Variants in FBXO11 observed in about 807,000 individuals in gnomAD.
The protein encoded by FBXO11 is F-box only protein 11.
A neutral mutation model predicts 117.0 loss-of-function variants in FBXO11; 13 were observed. That is an observed-to-expected ratio of 0.11 (90% CI 0.07 to 0.18). The LOEUF is 0.18. Among genes scored for constraint, FBXO11 ranks in the 10% least tolerant of loss-of-function variants. The pLI, the probability that FBXO11 is intolerant of heterozygous loss-of-function variation, is 1.00. For synonymous variants in FBXO11, 490 were observed against 380.5 expected, an observed-to-expected ratio of 1.29 and a Z score of -3.35; for missense variants, 767 against 1,164.4, an observed-to-expected ratio of 0.66 and a Z score of 4.97.
rs371182710 is a variant in FBXO11, at chr2:47,809,748, A to C, written c.2339-41T>G. The C allele has an allele frequency of 3.9e-3, 5,183 of 1,342,528 alleles. 213 individuals carry two copies. In the South Asian group the frequency reaches 0.059, roughly 15 times the overall value. The allele number at this position is 1,342,528 out of a possible 1,614,324, so 83.2% of individuals were successfully genotyped here. On this transcript the variant is annotated intron_variant, in intron 19 of 22. Coordinates refer to ENST00000403359, the MANE Select transcript of FBXO11 (RefSeq NM_001190274.2). ...CAAACAAGTAGATACATCACTTTAT[A>C]CTGCTTCTTAAAAACCTGAAATTAG...
At chr2:47,882,872 C>G (rs1676537625) in intron 1 of FBXO11, among the ~76,000 whole-genome samples, 1 of 152,166 alleles carries the variant, frequency 6.6e-6, no homozygotes, top group South Asian at 2.1e-4. Context: ...TGGTCTCAAA[C>G]TCCTGAGCTC....
At chr2:47,878,616 C>A (rs921444036) in intron 1 of FBXO11, among the ~76,000 whole-genome samples, 12 of 152,012 alleles carry the variant, frequency 7.9e-5, no homozygotes, top group Non-Finnish European at 1.8e-4. Context: ...CCCACCTCGG[C>A]CTCCCAAAGT....
intron 13 of FBXO11, among the ~76,000 whole-genome samples, chr2:47,821,312 A>G (rs1412041870): frequency 6.6e-6 from 1 of 151,752 alleles, no homozygotes; most frequent in Non-Finnish European, 1.5e-5. Flanking sequence ...ACCTGTCTCT[A>G]TTAAAAATGC....
intron 4 of FBXO11, among the ~76,000 whole-genome samples, chr2:47,837,665 C>T (rs1034031645): frequency 6.6e-6 from 1 of 152,190 alleles, no homozygotes; most frequent in East Asian, 1.9e-4. Flanking sequence ...GCCATATTTG[C>T]TTCCACTCAT....
At chr2:47,887,910 C>A (rs1445386918) in intron 1 of FBXO11, among the ~76,000 whole-genome samples, 3 of 151,890 alleles carry the variant, frequency 2.0e-5, no homozygotes, top group Non-Finnish European at 4.4e-5. Context: ...TAGCTACTGG[C>A]GCAGAGGTGA....
In FBXO11 at chr2:47,839,788, A is replaced by G. The variant is rs778377197; in HGVS notation, c.233-19T>C. On this transcript the variant is annotated intron_variant, in intron 1 of 22. Coordinates refer to ENST00000403359, the MANE Select transcript of FBXO11 (RefSeq NM_001190274.2). Reference sequence around the variant, plus strand: ...TCATCATCTGTTATAAACAAAAGCAATAAGAAAAATTATACCCTTTTTAAA... The same window carrying G: ...TCATCATCTGTTATAAACAAAAGCAGTAAGAAAAATTATACCCTTTTTAAA... 6.3e-5 allele frequency: 101 copies of G among 1,592,570 alleles called. 1 individual carries two copies. Among genetic ancestry groups the G allele is most frequent in the South Asian group, 3.0e-4 (26 of 86,428 alleles).
intron 1 of FBXO11, among the ~76,000 whole-genome samples, chr2:47,863,142 C>T (rs1674920236): frequency 6.6e-6 from 1 of 151,596 alleles, no homozygotes; most frequent in Non-Finnish European, 1.5e-5. Context: ...AAGTTTTCCC[C>T]TTGCCTTCAA....
intron 1 of FBXO11, among the ~76,000 whole-genome samples, chr2:47,900,723 TAC>T (rs769237322): frequency 7.3e-5 from 9 of 123,064 alleles, no homozygotes; most frequent in Admixed American, 2.4e-4. Flanking sequence ...TATACACGTA[TAC>T]ACACACGTGT....
chr2:47,812,048 T>C (rs1278020890), intron 18 of FBXO11, among the ~76,000 whole-genome samples: 1 of 152,156 alleles, frequency 6.6e-6, no homozygotes, highest in Non-Finnish European at 1.5e-5. Flanking sequence ...ATCTTGATTA[T>C]TTCCACTACA....
intron 1 of FBXO11, among the ~76,000 whole-genome samples, chr2:47,896,286 G>C (rs114682035): frequency 1.3e-5 from 2 of 150,890 alleles, no homozygotes; most frequent in African/African-American, 4.9e-5. Flanking sequence ...TGCCTCTGAA[G>C]AATCACTCCT....
intron 1 of FBXO11, among the ~76,000 whole-genome samples, chr2:47,880,440 A>AT (rs1390228186): frequency 6.6e-6 from 1 of 151,858 alleles, no homozygotes; most frequent in African/African-American, 2.4e-5. Flanking sequence ...ATCCAATTTC[A>AT]TTTTTTCAGT....
intron 1 of FBXO11, among the ~76,000 whole-genome samples, chr2:47,889,762 C>T (rs1023650136): frequency 4.6e-5 from 7 of 152,000 alleles, no homozygotes; most frequent in African/African-American, 1.7e-4. Flanking sequence ...ATATTCCCCA[C>T]ATAAAATTAT....
chr2:47,900,685 CACACACGTATACACACACGTGTAT>C lies in FBXO11; in HGVS notation c.232+4780_232+4803del, dbSNP rs768303495. ...ACACGTACGTATATACACACGTATA[CACACACGTATACACACACGTGTAT>C]ATATATACACGTATACACACACGTG... On this transcript the variant is annotated intron_variant, in intron 1 of 22. Transcript: ENST00000403359. Among the ~76,000 whole-genome samples, 61 of 59,040 alleles carry C rather than the reference CACACACGTATACACACACGTGTAT, an allele frequency of 1.0e-3. 2 individuals carry two copies. The East Asian group carries it at 0.016, about 15-fold the overall frequency. The allele number at this position is 59,040 out of a possible 152,430, so 38.7% of individuals were successfully genotyped here.
At chr2:47,859,077 A>G (rs934994243) in intron 1 of FBXO11, among the ~76,000 whole-genome samples, 4 of 151,784 alleles carry the variant, frequency 2.6e-5, no homozygotes, top group Non-Finnish European at 5.9e-5. Context: ...AAGAAAAGAA[A>G]AAGTATTAAT....
chr2:47,839,765 A>G lies in FBXO11; in HGVS notation c.237T>C (p.Asp79=). ...QERNNVGERD[D]DVPADMVAEE... The stretch of plus-strand genomic sequence containing the variant: ...CTGCAACCATATCTGCAGGCACATC[A>G]TCATCTGTTATAAACAAAAGCAATA... Residue 79 remains aspartate (D), a synonymous_variant, in exon 2 of 23, where the codon GAT becomes GAC. Transcript: ENST00000403359. The G allele has an allele frequency of 6.2e-7, 1 of 1,612,194 alleles. No homozygotes were observed. Among genetic ancestry groups the G allele is most frequent in the Non-Finnish European group, 8.5e-7 (1 of 1,179,564 alleles).
intron 11 of FBXO11, among the ~76,000 whole-genome samples, chr2:47,830,218 C>A (rs1672079229): frequency 6.6e-6 from 1 of 151,712 alleles, no homozygotes; most frequent in Admixed American, 6.6e-5. Flanking sequence ...AAGAAAAAAA[C>A]CCAATGTGAT....
At chr2:47,847,992 C>T (rs1225609934) in intron 1 of FBXO11, among the ~76,000 whole-genome samples, 3 of 151,742 alleles carry the variant, frequency 2.0e-5, no homozygotes, top group Admixed American at 6.6e-5. Context: ...GGCGTGGTGA[C>T]GGGTGCTTGT....
intron 1 of FBXO11, among the ~76,000 whole-genome samples, chr2:47,850,114 T>C (rs1165437934): frequency 2.6e-5 from 4 of 152,032 alleles, no homozygotes; most frequent in Admixed American, 1.3e-4. Context: ...GAAATGGATA[T>C]ATGAGATACA....
chr2:47,815,821 G>T (rs1670967672), intron 16 of FBXO11, among the ~76,000 whole-genome samples: 1 of 152,166 alleles, frequency 6.6e-6, no homozygotes, highest in African/African-American at 2.4e-5. Context: ...GCATCAACGG[G>T]CCAGAAGCTC....
Sources: allele counts gnomAD v4.1 joint callset (sites outside exome capture counted in the v4.1 genomes callset), GRCh38; gene constraint gnomAD v4.1.1; transcripts MANE v1.5; gene names NCBI Gene and HGNC (gene_info 2026-07-23, HGNC 2026-07-21).